Variants in AQP7 observed in about 807,000 individuals in gnomAD.
The protein encoded by AQP7 is aquaporin 7.
In AQP7, 22 loss-of-function variants were observed where a neutral mutation model predicts 26.1. That is an observed-to-expected ratio of 0.84 (90% CI 0.60 to 1.20). AQP7 has a LOEUF of 1.20. AQP7 is among the 50% of genes most tolerant of loss of function. AQP7 has a pLI of 0.00. For missense variants in AQP7, 412 were observed against 457.5 expected (o/e 0.90, Z 0.91); for synonymous variants, 167 against 181.7 (o/e 0.92, Z 0.65).
At chr9:33,387,239 A>T in intron 3 of AQP7, 147 bp from the exon 4 acceptor site, 1 of 927,542 alleles carries the variant, frequency 1.1e-6, no homozygotes, top group South Asian at 1.7e-5. Context: ...CTCTTCCTCC[A>T]GAGCCTTCCC....
intron 1 of AQP7, chr9:33,401,576 C>G (rs146604095): frequency 0.023 from 10,292 of 455,000 alleles, 867 homozygotes; most frequent in African/African-American, 0.18. Context: ...TGGAGATGCC[C>G]TCAGCCTCTA....
At chr9:33,387,859 A>G (rs1825010539) in intron 3 of AQP7, among the ~76,000 whole-genome samples, 2 of 151,798 alleles carry the variant, frequency 1.3e-5, no homozygotes, top group South Asian at 4.2e-4. Context: ...CATCCTTCCC[A>G]GCAAACTGTC....
rs1289616046 is a variant in AQP7, at chr9:33,385,214, C to G, written c.820G>C (p.Val274Leu). ...GAYLGGIIYL[V>L]FIGSTIPREP... is the part of the protein sequence containing the mutation. ...CGTGGGATGGTGGAGCCAATGAAGA[C>G]CAGGTAGATGATGCCACCTAGATAG... The change falls in exon 8 of 8, where the codon GTC becomes CTC. Residue 274 changes from valine to leucine, a missense_variant. Coordinates refer to ENST00000297988, the MANE Select transcript of AQP7 (RefSeq NM_001170.3). The G allele has an allele frequency of 6.2e-7, 1 of 1,611,916 alleles. No individual in the cohort carries two copies.
In AQP7 at chr9:33,400,784, G is replaced by A. The variant is rs4120125; in HGVS notation, c.26+453C>T. ...CATGCCATTGCACTCCAGCCTGGGC[G>A]ACAGAACTGGATTCCATCTCGGAAA... On this transcript the variant is annotated intron_variant, in intron 2 of 7. Coordinates refer to ENST00000297988, the MANE Select transcript of AQP7 (RefSeq NM_001170.3). Among the ~76,000 whole-genome samples, 94 of 151,186 alleles carry A rather than the reference G, an allele frequency of 6.2e-4. 1 individual carries two copies. Among genetic ancestry groups the A allele is most frequent in the African/African-American group, 2.2e-3 (91 of 41,136 alleles).
chr9:33,393,320 C>G (rs1825574792), intron 3 of AQP7, among the ~76,000 whole-genome samples: 1 of 152,196 alleles, frequency 6.6e-6, no homozygotes, highest in Admixed American at 6.5e-5. Context: ...AACACAGCTC[C>G]AAAGCCCACG....
At chr9:33,391,028 T>G (rs1825345254) in intron 3 of AQP7, among the ~76,000 whole-genome samples, 1 of 152,092 alleles carries the variant, frequency 6.6e-6, no homozygotes, top group Admixed American at 6.5e-5. Flanking sequence ...GGAGAATCAC[T>G]TGAACCTGGG....
rs1422310433 is a variant in AQP7, at chr9:33,402,384, GTC to G, written c.-39_-38del. On this transcript the variant is annotated 5_prime_UTR_variant, in exon 1 of 8. Coordinates refer to ENST00000297988, the MANE Select transcript of AQP7 (RefSeq NM_001170.3). ...GGAGCCCCACTCACTCTGCTGAAAT[GTC>G]TCTGATTCTCAGCCTCCGCCTTGGG... 3 of 152,710 alleles carry G rather than the reference GTC, an allele frequency of 2.0e-5. No homozygotes were observed. Among genetic ancestry groups the G allele is most frequent in the Non-Finnish European group, 4.4e-5 (3 of 68,108 alleles). The allele number at this position is 152,710 out of a possible 1,614,324, so 9.5% of individuals were successfully genotyped here. A position where few individuals can be genotyped will look rare whatever the true frequency, so the allele number is the denominator to read the frequency against.
Position 33,395,331 on chromosome 9 carries a change from G to T in AQP7, c.27-136C>A, listed in dbSNP as rs571286075. ...CACACGCCTCCTCTTGCGCAGGGCA[G>T]CTGGGACAGCTGGAATTGGAGACAC... On this transcript the variant is annotated intron_variant, in intron 2 of 7. Transcript: ENST00000297988. 2.9e-4 allele frequency: 205 copies of T among 697,312 alleles called. No homozygotes were observed. The East Asian group carries it at 5.3e-3, about 18-fold the overall frequency. The allele number at this position is 697,312 out of a possible 1,614,324, so 43.2% of individuals were successfully genotyped here. A position where few individuals can be genotyped will look rare whatever the true frequency, so the allele number is the denominator to read the frequency against.
At chr9:33,390,942 T>C (rs1825337307) in intron 3 of AQP7, among the ~76,000 whole-genome samples, 1 of 152,150 alleles carries the variant, frequency 6.6e-6, no homozygotes, top group South Asian at 2.1e-4. Context: ...AAACCCCGTC[T>C]CTACTAAAGA....
At chr9:33,389,023 ATTTTTTTTTT>A (rs34391457) in intron 3 of AQP7, among the ~76,000 whole-genome samples, 2 of 111,072 alleles carry the variant, frequency 1.8e-5, no homozygotes, top group African/African-American at 6.6e-5. Flanking sequence ...CACCCAGCCA[ATTTTTTTTTT>A]TTTTTTTTTT....
Position 33,385,015 on chromosome 9 carries a change from T to C in AQP7, c.1019A>G (p.Glu340Gly), listed in dbSNP as rs1824600967. 1 of 1,611,002 alleles carries C rather than the reference T, an allele frequency of 6.2e-7. No homozygotes were observed. Among genetic ancestry groups the C allele is most frequent in the East Asian group, 2.2e-5 (1 of 44,860 alleles). Residue 340 changes from glutamate to glycine, a missense_variant, in exon 8 of 8, where the codon GAG (glutamate) becomes GGG (glycine). By Grantham distance (98) the Glu-to-Gly change is moderately conservative. Transcript: ENST00000297988. ...APPLHESMAL[E>G]HF ...ACAAATAATCTCTGCTTAGAAGTGCTCTAGGGCCATGGATTCATGTAAGGG... is the reference window on the plus strand; with the variant it reads ...ACAAATAATCTCTGCTTAGAAGTGCCCTAGGGCCATGGATTCATGTAAGGG...
Position 33,395,270 on chromosome 9 carries a change from C to T in AQP7, c.27-75G>A. The T allele has an allele frequency of 8.5e-6, 11 of 1,297,684 alleles. No individual in the cohort carries two copies. The South Asian group carries it at 1.2e-4, about 14-fold the overall frequency. 80.4% of individuals were successfully genotyped at this position (1,297,684 alleles called of 1,614,324 possible). ...TGCTGCCCATCGGCTCTTCAACTCC[C>T]AGCTGAGTTAATAGGTAACCCAGCA... On this transcript the variant is annotated intron_variant, in intron 2 of 7. Coordinates refer to ENST00000297988, the MANE Select transcript of AQP7 (RefSeq NM_001170.3).
intron 5 of AQP7, 32 bp from the exon 6 acceptor site, chr9:33,386,227 C>T (rs762676491): frequency 1.2e-5 from 19 of 1,613,328 alleles, no homozygotes; most frequent in Admixed American, 5.0e-5. Flanking sequence ...TGCGAACCTG[C>T]TCCCAACTAA....
chr9:33,401,101 T>C (rs1415182127), intron 2 of AQP7, 136 bp downstream of exon 2: 2 of 892,786 alleles, frequency 2.2e-6, no homozygotes, highest in Non-Finnish European at 1.7e-6. Flanking sequence ...CAGAGGCGAG[T>C]GGGTGGGTGG....
chr9:33,395,960 C>T (rs1313528827), intron 2 of AQP7, among the ~76,000 whole-genome samples: 3 of 152,162 alleles, frequency 2.0e-5, no homozygotes. Flanking sequence ...GGGAATCTGT[C>T]TTACTCCCAA....
intron 2 of AQP7, among the ~76,000 whole-genome samples, chr9:33,399,524 C>T (rs1195582253): frequency 1.3e-5 from 2 of 151,914 alleles, no homozygotes; most frequent in Non-Finnish European, 2.9e-5. Flanking sequence ...TCGCTTGAAC[C>T]CAAGAAGCAG....
intron 3 of AQP7, among the ~76,000 whole-genome samples, chr9:33,390,679 G>A (rs1825305515): frequency 6.6e-6 from 1 of 152,156 alleles, no homozygotes; most frequent in Non-Finnish European, 1.5e-5. Flanking sequence ...AGATGGGGGT[G>A]CAGGGGGGAG....
At chr9:33,386,343 C>G (rs1219832875) in intron 5 of AQP7, 61 bp downstream of exon 5, 20 of 1,602,940 alleles carry the variant, frequency 1.2e-5, no homozygotes, top group Non-Finnish European at 1.7e-5. Context: ...GAGGTCCAAT[C>G]TGCCCATATT....
chr9:33,394,528 G>A (rs1434884113), intron 3 of AQP7, among the ~76,000 whole-genome samples: 3 of 129,188 alleles, frequency 2.3e-5, no homozygotes, highest in African/African-American at 6.0e-5. Flanking sequence ...ACAGAGTTTC[G>A]CTCCTGTCAC....
Sources: allele counts gnomAD v4.1 joint callset (sites outside exome capture counted in the v4.1 genomes callset), GRCh38; gene constraint gnomAD v4.1.1; transcripts MANE v1.5; gene names NCBI Gene and HGNC (gene_info 2026-07-23, HGNC 2026-07-21).